Variants in ABCB5 observed in about 807,000 individuals in gnomAD.
ABCB5 encodes ATP binding cassette subfamily B member 5, also known as ATP-binding cassette sub-family B member 5.
ABCB5 carries 155 observed loss-of-function variants against 144.2 expected under a neutral mutation model. The observed-to-expected ratio is 1.08, with a 90% CI of 0.94 to 1.23. The LOEUF (loss-of-function observed/expected upper bound fraction) is 1.23. ABCB5 is among the 50% of genes most tolerant of loss of function. The pLI, the probability that ABCB5 is intolerant of heterozygous loss-of-function variation, is 0.00. For synonymous variants in ABCB5, 610 were observed against 528.6 expected (o/e 1.15, Z -2.11); for missense variants, 1,830 against 1,520.8 (o/e 1.20, Z -3.38).
At position 20,744,218 on chromosome 7, in the gene ABCB5, C is replaced by T. The variant is rs116320554; in HGVS notation, c.3223-1014C>T. Among the ~76,000 whole-genome samples the T allele has an allele frequency of 3.8e-3, 585 of 152,156 alleles. 2 individuals are homozygous for T. The highest frequency in any genetic ancestry group is 0.013 in the African/African-American group (550 of 41,492). On this transcript the variant is annotated intron_variant, in intron 25 of 27. Coordinates refer to ENST00000404938, the MANE Select transcript of ABCB5 (RefSeq NM_001163941.2). ...TAGTAGCTGAGATTACAGGGGTGTGCCACCATGTCCAGTTAGTTTTTGTAT... is the reference window on the plus strand; with the variant it reads ...TAGTAGCTGAGATTACAGGGGTGTGTCACCATGTCCAGTTAGTTTTTGTAT...
At chr7:20,641,991 C>T (rs1031739895) in intron 5 of ABCB5, 6 of 152,184 alleles carry the variant, frequency 3.9e-5, no homozygotes, top group African/African-American at 1.4e-4. Context: ...TCATGTAGGC[C>T]GCCATGATCC....
chr7:20,658,751 C>T, intron 14 of ABCB5, 75 bp downstream of exon 14: 2 of 1,521,910 alleles, frequency 1.3e-6, no homozygotes, highest in South Asian at 2.5e-5. Context: ...AAGTATAGAT[C>T]TGTAATAGAT....
intron 17 of ABCB5, 84 bp downstream of exon 17, chr7:20,698,634 C>T: frequency 7.4e-7 from 1 of 1,359,088 alleles, no homozygotes; most frequent in Non-Finnish European, 9.8e-7. Flanking sequence ...GTCTAAACCA[C>T]AAGGGGAAAA....
intron 13 of ABCB5, among the ~76,000 whole-genome samples, chr7:20,652,678 A>C (rs1483933721): frequency 6.6e-6 from 1 of 152,260 alleles, no homozygotes; most frequent in African/African-American, 2.4e-5. Flanking sequence ...GACTTACGAG[A>C]TCTTAATGGG....
chr7:20,656,304 A>G (rs563608107), intron 13 of ABCB5, among the ~76,000 whole-genome samples: 1 of 152,182 alleles, frequency 6.6e-6, no homozygotes, highest in Non-Finnish European at 1.5e-5. Flanking sequence ...CCTTTTTAAA[A>G]GACATCATTT....
chr7:20,721,000 A>G (rs1781850155), intron 20 of ABCB5, among the ~76,000 whole-genome samples: 1 of 151,984 alleles, frequency 6.6e-6, no homozygotes, highest in Admixed American at 6.6e-5. Flanking sequence ...AAAGGAGACT[A>G]AAGAGGCCTG....
At chr7:20,645,369 G>C (rs536417238) in intron 7 of ABCB5, among the ~76,000 whole-genome samples, 1 of 152,140 alleles carries the variant, frequency 6.6e-6, no homozygotes, top group South Asian at 2.1e-4. Flanking sequence ...CTATTATGTG[G>C]AATATATTTT....
intron 14 of ABCB5, among the ~76,000 whole-genome samples, chr7:20,663,756 C>T (rs916854770): frequency 4.0e-4 from 58 of 146,438 alleles, no homozygotes; most frequent in Middle Eastern, 7.3e-3. Context: ...TGATCTGTCA[C>T]CCAGGCTGGA....
At chr7:20,632,562 G>A (rs948600734) in intron 5 of ABCB5, among the ~76,000 whole-genome samples, 52 of 152,078 alleles carry the variant, frequency 3.4e-4, no homozygotes, top group East Asian at 1.2e-3. Context: ...ACATGCACAC[G>A]TATGTTTATT....
chr7:20,643,172 C>G lies in ABCB5; in HGVS notation c.315-12C>G, dbSNP rs767080146. ...TGTGCTTCAGTCTCACATTCTAATA[C>G]TCTTTCTTCAGGTTGACCCTGTATT... On this transcript the variant is annotated splice_polypyrimidine_tract_variant and intron_variant, in intron 5 of 27. Transcript: ENST00000404938. 22 of 1,594,502 alleles carry G rather than the reference C, an allele frequency of 1.4e-5. No individual in the cohort carries two copies. In the African/African-American group the frequency reaches 2.5e-4, roughly 18 times the overall value.
chr7:20,720,709 G>A (rs1781831968), intron 20 of ABCB5, among the ~76,000 whole-genome samples: 1 of 152,102 alleles, frequency 6.6e-6, no homozygotes, highest in South Asian at 2.1e-4. Flanking sequence ...AGTTTGGGAG[G>A]CCGAGACGGG....
At chr7:20,622,174 G>C (rs1311479488) in intron 1 of ABCB5, among the ~76,000 whole-genome samples, 1 of 152,036 alleles carries the variant, frequency 6.6e-6, no homozygotes, top group Non-Finnish European at 1.5e-5. Flanking sequence ...ACCAAGGCGA[G>C]GCTTAATTGT....
chr7:20,669,126 C>A (rs1318656549), intron 14 of ABCB5, among the ~76,000 whole-genome samples: 1 of 150,920 alleles, frequency 6.6e-6, no homozygotes, highest in East Asian at 2.0e-4. Flanking sequence ...CCCCACCCGG[C>A]CAGCTGCCCC....
At chr7:20,646,396 A>T (rs1481926931) in intron 9 of ABCB5, among the ~76,000 whole-genome samples, 1 of 152,210 alleles carries the variant, frequency 6.6e-6, no homozygotes, top group African/African-American at 2.4e-5. Flanking sequence ...TGAATTCCCC[A>T]CTGGGAAATA....
chr7:20,630,136 AT>A (rs764703085), intron 4 of ABCB5, among the ~76,000 whole-genome samples: 4 of 152,042 alleles, frequency 2.6e-5, no homozygotes, highest in Non-Finnish European at 4.4e-5. Context: ...ACTATGCAGT[AT>A]TTTTTATCTG....
At chr7:20,705,417 A>C (rs1051574863) in intron 20 of ABCB5, among the ~76,000 whole-genome samples, 1 of 152,194 alleles carries the variant, frequency 6.6e-6, no homozygotes, top group Non-Finnish European at 1.5e-5. Flanking sequence ...AGAGGTAAGT[A>C]ATAATTTGTT....
chr7:20,717,076 G>A (rs1214044318), intron 20 of ABCB5, among the ~76,000 whole-genome samples: 1 of 152,078 alleles, frequency 6.6e-6, no homozygotes, highest in Non-Finnish European at 1.5e-5. Context: ...CCCGCACCAG[G>A]AGCATTTAGT....
rs1583386966 is a variant in ABCB5, at chr7:20,642,592, G to A, written c.315-592G>A. 2.0e-5 allele frequency among the ~76,000 whole-genome samples: 3 copies of A among 152,066 alleles called. No individual in the cohort carries two copies. In the South Asian group the frequency reaches 6.2e-4, roughly 31 times the overall value. ...TTGGAGGACTTATTATCTTGCTCAT[G>A]GCTGTGTCTCTAGACCCTCACACAT... On this transcript the variant is annotated intron_variant, in intron 5 of 27. Transcript: ENST00000404938.
Position 20,643,376 on chromosome 7 carries a change from G to A in ABCB5, c.506+1G>A, listed in dbSNP as rs1562534083. 1.9e-6 allele frequency: 3 copies of A among 1,613,866 alleles called. No homozygotes were observed. Among genetic ancestry groups the A allele is most frequent in the South Asian group, 2.2e-5 (2 of 91,082 alleles). ...GTGAACTTAACACTCGCATGACAGAGTAAGAGGATGATATTGTAGTACGTT... is the reference window on the plus strand; with the variant it reads ...GTGAACTTAACACTCGCATGACAGAATAAGAGGATGATATTGTAGTACGTT... On this transcript the variant is annotated splice_donor_variant, in intron 6 of 27. Transcript: ENST00000404938. LOFTEE classifies it high-confidence loss of function.
Sources: allele counts gnomAD v4.1 joint callset (sites outside exome capture counted in the v4.1 genomes callset), GRCh38; gene constraint gnomAD v4.1.1; transcripts MANE v1.5; gene names NCBI Gene and HGNC (gene_info 2026-07-23, HGNC 2026-07-21).